The following HOOK1 variants were observed in gnomAD, a reference collection of about 807,000 sequenced individuals.
The protein encoded by HOOK1 is protein Hook homolog 1.
A neutral mutation model predicts 112.8 loss-of-function variants in HOOK1; 60 were observed. The observed-to-expected ratio is 0.53, with a 90% CI of 0.43 to 0.66. HOOK1 has a LOEUF of 0.66. Ranked by LOEUF, HOOK1 falls within the 30% of genes least tolerant of loss-of-function variation. HOOK1 has a pLI of 0.00. For missense variants in HOOK1, 770 were observed against 856.0 expected (o/e 0.90, Z 1.25); for synonymous variants, 294 against 283.8 (o/e 1.04, Z -0.36).
chr1:59,874,343 T>C lies in HOOK1; in HGVS notation c.*1378T>C. On this transcript the variant is annotated 3_prime_UTR_variant, in exon 22 of 22. Coordinates refer to ENST00000371208, the MANE Select transcript of HOOK1 (RefSeq NM_015888.6). Reference sequence around the variant, plus strand: ...TGTTAGACCACAAAAAGAAGAAAAATGTTAGGACTATTTCAGATATAAAAA... The same window carrying C: ...TGTTAGACCACAAAAAGAAGAAAAACGTTAGGACTATTTCAGATATAAAAA... 6.6e-6 allele frequency: 1 copy of C among 152,096 alleles called. No homozygotes were observed. The highest frequency in any genetic ancestry group is 1.9e-4 in the East Asian group (1 of 5,198). The allele number at this position is 152,096 out of a possible 1,614,324, so 9.4% of individuals were successfully genotyped here.
At chr1:59,837,852 C>G (rs544480598) in intron 7 of HOOK1, among the ~76,000 whole-genome samples, 24 of 152,138 alleles carry the variant, frequency 1.6e-4, no homozygotes, top group Non-Finnish European at 3.2e-4. Flanking sequence ...CCTAGCCCCC[C>G]ACCCCCCACA....
intron 12 of HOOK1, among the ~76,000 whole-genome samples, chr1:59,850,732 AG>A (rs1308437066): frequency 5.3e-5 from 8 of 151,560 alleles, no homozygotes; most frequent in South Asian, 2.1e-4. Context: ...TATAACAAAA[AG>A]AGTAAACTGC....
At chr1:59,833,382 T>C in intron 4 of HOOK1, 23 bp from the exon 5 acceptor site, 1 of 1,460,110 alleles carries the variant, frequency 6.8e-7, no homozygotes, top group Non-Finnish European at 9.2e-7. Flanking sequence ...AAATGAGTGA[T>C]CTAATTTATT....
intron 1 of HOOK1, among the ~76,000 whole-genome samples, chr1:59,820,410 CCTGT>C (rs2098384736): frequency 6.6e-6 from 1 of 152,114 alleles, no homozygotes; most frequent in Non-Finnish European, 1.5e-5. Context: ...CCTTTGGAGT[CCTGT>C]CTCTTTAACC....
chr1:59,862,040 C>A (rs1441901147), intron 15 of HOOK1, among the ~76,000 whole-genome samples: 1 of 152,116 alleles, frequency 6.6e-6, no homozygotes, highest in East Asian at 1.9e-4. Context: ...TCTGAAGAGA[C>A]CATTACATAT....
intron 1 of HOOK1, among the ~76,000 whole-genome samples, chr1:59,819,489 G>A (rs2098384023): frequency 1.3e-5 from 2 of 152,126 alleles, no homozygotes; most frequent in Non-Finnish European, 2.9e-5. Context: ...CTTCTTGGTT[G>A]TAAGCCTTTC....
chr1:59,846,369 A>T (rs754569698), intron 9 of HOOK1, among the ~76,000 whole-genome samples: 3 of 151,614 alleles, frequency 2.0e-5, no homozygotes, highest in Admixed American at 6.6e-5. Flanking sequence ...CTTTTCAAAC[A>T]TCCTTTATTG....
Position 59,854,360 on chromosome 1 carries a change from A to T in HOOK1, c.1243-4068A>T, listed in dbSNP as rs550304137. On this transcript the variant is annotated intron_variant, in intron 12 of 21. Coordinates refer to ENST00000371208, the MANE Select transcript of HOOK1 (RefSeq NM_015888.6). ...CCACCGCGCCCAGCCATTAAAATATATTTGTGTATATAGTTACCTCTGTTG... is the reference window on the plus strand; with the variant it reads ...CCACCGCGCCCAGCCATTAAAATATTTTTGTGTATATAGTTACCTCTGTTG... Among the ~76,000 whole-genome samples the T allele has an allele frequency of 1.2e-3, 188 of 151,916 alleles. 3 individuals carry two copies. In the South Asian group the frequency reaches 0.027, roughly 22 times the overall value.
intron 2 of HOOK1, among the ~76,000 whole-genome samples, chr1:59,823,079 G>A (rs1302396541): frequency 6.6e-6 from 1 of 152,140 alleles, no homozygotes; most frequent in Non-Finnish European, 1.5e-5. Flanking sequence ...CCAGCACTTC[G>A]GGAGGCCGAG....
chr1:59,823,180 C>T (rs1282631141), intron 2 of HOOK1, among the ~76,000 whole-genome samples: 1 of 152,082 alleles, frequency 6.6e-6, no homozygotes, highest in East Asian at 1.9e-4. Context: ...ATTAGCCAGG[C>T]ATGGTGGCGG....
chr1:59,815,261 C>G lies in HOOK1; in HGVS notation c.63+81C>G, dbSNP rs921149641. Reference sequence around the variant, plus strand: ...GGGGCGCCCGGTTCTCCCAGGTGAGCTGGGGCTACCTGCACAGGGTCCCGG... The same window carrying G: ...GGGGCGCCCGGTTCTCCCAGGTGAGGTGGGGCTACCTGCACAGGGTCCCGG... On this transcript the variant is annotated intron_variant, in intron 1 of 21. Transcript: ENST00000371208. 6 of 1,309,968 alleles carry G rather than the reference C, an allele frequency of 4.6e-6. No homozygotes were observed. In the African/African-American group the frequency reaches 8.8e-5, roughly 19 times the overall value. The allele number at this position is 1,309,968 out of a possible 1,614,324, so 81.1% of individuals were successfully genotyped here.
chr1:59,858,577 A>G, intron 13 of HOOK1, 62 bp downstream of exon 13: 1 of 1,081,152 alleles, frequency 9.2e-7, no homozygotes, highest in Non-Finnish European at 1.4e-6. Flanking sequence ...TCCATTCAAC[A>G]AAAAATAAAA....
intron 1 of HOOK1, among the ~76,000 whole-genome samples, chr1:59,819,749 A>G (rs1559041289): frequency 6.6e-6 from 1 of 152,194 alleles, no homozygotes; most frequent in African/African-American, 2.4e-5. Context: ...TGTAACTTCT[A>G]AGTTACACAT....
chr1:59,845,467 G>A (rs963793072), intron 9 of HOOK1, among the ~76,000 whole-genome samples: 1 of 151,856 alleles, frequency 6.6e-6, no homozygotes, highest in Non-Finnish European at 1.5e-5. Flanking sequence ...GGGATCATGT[G>A]CAATTAGGAT....
intron 12 of HOOK1, among the ~76,000 whole-genome samples, chr1:59,850,755 T>C (rs931142751): frequency 1.3e-5 from 2 of 151,532 alleles, no homozygotes; most frequent in Admixed American, 1.3e-4. Context: ...ATATAAATGA[T>C]GGACTTTAGT....
intron 12 of HOOK1, among the ~76,000 whole-genome samples, chr1:59,851,549 T>C (rs77148749): frequency 2.8e-4 from 43 of 151,754 alleles, no homozygotes; most frequent in African/African-American, 9.6e-4. Context: ...TTACTAGTTA[T>C]AGTTTTTTGG....
At chr1:59,853,947 A>G (rs1193956368) in intron 12 of HOOK1, among the ~76,000 whole-genome samples, 3 of 128,650 alleles carry the variant, frequency 2.3e-5, no homozygotes, top group African/African-American at 5.9e-5. Context: ...GCTTTATACT[A>G]TTGTCTTTTA....
intron 9 of HOOK1, among the ~76,000 whole-genome samples, chr1:59,844,667 ATATCT>A (rs1180435929): frequency 6.6e-6 from 1 of 152,002 alleles, no homozygotes; most frequent in Non-Finnish European, 1.5e-5. Context: ...TGTATAATTG[ATATCT>A]TAACTATATA....
At position 59,875,148 on chromosome 1, in the gene HOOK1, A is replaced by G. The variant is rs1371501024; in HGVS notation, c.*2183A>G. ...TCTACTTGCTTATGATTGAGATTTT[A>G]CAAGCCCTTCAAACTCCGTTTTAAA... On this transcript the variant is annotated 3_prime_UTR_variant, in exon 22 of 22. Transcript: ENST00000371208. 1 of 152,608 alleles carries G rather than the reference A, an allele frequency of 6.6e-6. No individual in the cohort carries two copies. The highest frequency in any genetic ancestry group is 6.5e-5 in the Admixed American group (1 of 15,270). 9.5% of individuals were successfully genotyped at this position (152,608 alleles called of 1,614,324 possible). A position where few individuals can be genotyped will look rare whatever the true frequency, so the allele number is the denominator to read the frequency against.
Sources: gnomAD v4.1 joint callset for allele counts (sites outside exome capture counted in the v4.1 genomes callset) on GRCh38, gnomAD v4.1.1 for gene constraint, MANE v1.5 for transcripts, NCBI Gene and HGNC (gene_info 2026-07-23, HGNC 2026-07-21) for gene names.